The following MOB1B variants were observed in gnomAD, a reference collection of about 807,000 sequenced individuals.
MOB1B encodes the protein MOB kinase activator 1B, also known as MOB1 Mps One Binder homolog B.
In MOB1B, 19 loss-of-function variants were observed where a neutral mutation model predicts 24.4. The observed-to-expected ratio is 0.78, with a 90% CI of 0.54 to 1.14. The LOEUF (loss-of-function observed/expected upper bound fraction) is 1.14. Among genes scored for constraint, MOB1B ranks in the 50% most tolerant of loss-of-function variants. The pLI, the probability that MOB1B is intolerant of heterozygous loss-of-function variation, is 0.00. For missense variants in MOB1B, 243 were observed against 259.6 expected (o/e 0.94, Z 0.44); for synonymous variants, 76 against 82.1 (o/e 0.93, Z 0.40).
At position 70,942,847 on chromosome 4, in the gene MOB1B, A is replaced by G. The variant is rs1453666627; in HGVS notation, c.15-16027A>G. 3 of 834,468 alleles carry G rather than the reference A, an allele frequency of 3.6e-6. No individual in the cohort carries two copies. In the Admixed American group the frequency reaches 6.1e-4, roughly 170 times the overall value. 51.7% of individuals were successfully genotyped at this position (834,468 alleles called of 1,614,324 possible). On this transcript the variant is annotated intron_variant, in intron 1 of 5. Coordinates refer to ENST00000309395, the MANE Select transcript of MOB1B (RefSeq NM_173468.4). The stretch of plus-strand genomic sequence containing the variant: ...GAGAGAAGGTTCATATTGTCGGATT[A>G]TGAAAGACTCAAAATAAAGAACTGG...
intron 1 of MOB1B, among the ~76,000 whole-genome samples, chr4:70,930,757 A>G (rs890483150): frequency 6.6e-6 from 1 of 151,946 alleles, no homozygotes; most frequent in Admixed American, 6.6e-5. Flanking sequence ...GGATTTTTGC[A>G]TTTAGTTTTG....
rs140375027 is a variant in MOB1B, at chr4:70,939,400, C to A, written c.15-19474C>A. On this transcript the variant is annotated intron_variant, in intron 1 of 5. Transcript: ENST00000309395. Reference sequence around the variant, plus strand: ...GTCCCTAAGAAAACCCAATCCTAGTCTGGGTGCAGTAGTTCACACCTGTAA... The same window carrying A: ...GTCCCTAAGAAAACCCAATCCTAGTATGGGTGCAGTAGTTCACACCTGTAA... Among the ~76,000 whole-genome samples, 609 of 152,290 alleles carry A rather than the reference C, an allele frequency of 4.0e-3. 3 individuals carry two copies. Among genetic ancestry groups the A allele is most frequent in the African/African-American group, 0.014 (583 of 41,552 alleles).
Position 70,976,412 on chromosome 4 carries a change from A to G in MOB1B, c.409+1126A>G, listed in dbSNP as rs974059913. ...ATCTTACAGATTCAGATATTAAGCT[A>G]TGTGAGAAGAAAACAAGATTTGAGG... On this transcript the variant is annotated intron_variant, in intron 4 of 5. Transcript: ENST00000309395. 11 of 985,252 alleles carry G rather than the reference A, an allele frequency of 1.1e-5. 1 individual carries two copies. The South Asian group carries it at 1.9e-4, about 17-fold the overall frequency. The allele number at this position is 985,252 out of a possible 1,614,324, so 61.0% of individuals were successfully genotyped here.
intron 2 of MOB1B, 68 bp downstream of exon 2, chr4:70,959,108 G>C: frequency 7.6e-7 from 1 of 1,313,016 alleles, no homozygotes; most frequent in South Asian, 1.4e-5. Context: ...GGTGAGTGTT[G>C]GTGCTGTCCA....
intron 5 of MOB1B, among the ~76,000 whole-genome samples, 153 bp downstream of exon 5, chr4:70,979,444 C>G (rs1311597632): frequency 6.6e-6 from 1 of 152,092 alleles, no homozygotes; most frequent in Non-Finnish European, 1.5e-5. Context: ...TAAGGACTGA[C>G]TTTTTGTTTC....
At chr4:70,902,049 C>T (rs543412599), upstream of MOB1B, among the ~76,000 whole-genome samples, 2 of 152,330 alleles carry the variant, frequency 1.3e-5, no homozygotes, top group South Asian at 4.1e-4. Context: ...AAGCCCACTT[C>T]CTCCCTGACC....
intron 1 of MOB1B, among the ~76,000 whole-genome samples, chr4:70,911,481 A>G (rs777204967): frequency 1.3e-5 from 2 of 152,014 alleles, no homozygotes; most frequent in Admixed American, 6.6e-5. Flanking sequence ...GGGGAGTGGA[A>G]GTAAATATGG....
chr4:70,922,780 G>A (rs559967960), intron 1 of MOB1B, among the ~76,000 whole-genome samples: 2 of 152,194 alleles, frequency 1.3e-5, no homozygotes, highest in South Asian at 4.1e-4. Flanking sequence ...TAATTTATGA[G>A]CACTCTTACT....
At chr4:70,933,747 T>C (rs963865013) in intron 1 of MOB1B, among the ~76,000 whole-genome samples, 9 of 152,188 alleles carry the variant, frequency 5.9e-5, no homozygotes, top group Admixed American at 2.0e-4. Flanking sequence ...AGATGGGGTT[T>C]CACCATGTTG....
chr4:70,977,802 C>T (rs189364395), intron 4 of MOB1B, among the ~76,000 whole-genome samples: 185 of 152,190 alleles, frequency 1.2e-3, no homozygotes, highest in Middle Eastern at 6.8e-3. Context: ...GCAATCCTAT[C>T]GCTTCAGCCT....
intron 1 of MOB1B, among the ~76,000 whole-genome samples, chr4:70,918,447 T>C (rs1736282242): frequency 6.6e-6 from 1 of 151,270 alleles, no homozygotes; most frequent in Non-Finnish European, 1.5e-5. Context: ...CCAGTGATGG[T>C]GAGCATTTTT....
At chr4:70,931,620 G>A (rs1023299764) in intron 1 of MOB1B, among the ~76,000 whole-genome samples, 4 of 152,038 alleles carry the variant, frequency 2.6e-5, no homozygotes, top group Admixed American at 6.6e-5. Context: ...TTTGCTTTGG[G>A]TTTTATGATT....
Position 70,921,874 on chromosome 4 carries a change from A to G in MOB1B, c.14+19324A>G, listed in dbSNP as rs72852975. Reference sequence around the variant, plus strand: ...TAGGAGCTTTGAATATGAAAGTGTTAATTAGCCTTATGTCTTCAATTCTCT... The same window carrying G: ...TAGGAGCTTTGAATATGAAAGTGTTGATTAGCCTTATGTCTTCAATTCTCT... On this transcript the variant is annotated intron_variant, in intron 1 of 5. Transcript: ENST00000309395. Among the ~76,000 whole-genome samples, 173 of 152,232 alleles carry G rather than the reference A, an allele frequency of 1.1e-3. 2 individuals are homozygous for G. The highest frequency in any genetic ancestry group is 4.0e-3 in the African/African-American group (167 of 41,546).
At chr4:70,974,769 A>G (rs989303002) in intron 3 of MOB1B, among the ~76,000 whole-genome samples, 2 of 152,204 alleles carry the variant, frequency 1.3e-5, no homozygotes, top group Admixed American at 1.3e-4. Context: ...AAAGAATTGT[A>G]CTGTGTAAGG....
chr4:70,974,000 G>GTAGA (rs921185522), intron 3 of MOB1B, among the ~76,000 whole-genome samples: 1 of 152,176 alleles, frequency 6.6e-6, no homozygotes, highest in Non-Finnish European at 1.5e-5. Flanking sequence ...GGGGACAAGG[G>GTAGA]TAGAATTGAA....
At chr4:70,929,881 CCT>C (rs1338242497) in intron 1 of MOB1B, among the ~76,000 whole-genome samples, 7 of 151,878 alleles carry the variant, frequency 4.6e-5, no homozygotes, top group African/African-American at 1.7e-4. Context: ...GATCCGCCCG[CCT>C]CGGCCTCCCT....
chr4:70,937,248 C>T (rs1426723603), intron 1 of MOB1B, among the ~76,000 whole-genome samples: 2 of 151,438 alleles, frequency 1.3e-5, no homozygotes, highest in African/African-American at 4.8e-5. Context: ...TTTTTGATTT[C>T]TGATCTTTTA....
intron 1 of MOB1B, among the ~76,000 whole-genome samples, chr4:70,919,001 C>T (rs1736311282): frequency 6.6e-6 from 1 of 152,094 alleles, no homozygotes; most frequent in Admixed American, 6.5e-5. Flanking sequence ...AGTTCATGTC[C>T]TTTGTAGGGA....
At chr4:70,965,305 A>G (rs1738472399) in intron 2 of MOB1B, among the ~76,000 whole-genome samples, 2 of 150,350 alleles carry the variant, frequency 1.3e-5, no homozygotes, top group African/African-American at 4.9e-5. Context: ...TCAAAAAAAA[A>G]AAAAAAAAAA....
Sources: allele counts gnomAD v4.1 joint callset (sites outside exome capture counted in the v4.1 genomes callset), GRCh38; gene constraint gnomAD v4.1.1; transcripts MANE v1.5; gene names NCBI Gene and HGNC (gene_info 2026-07-23, HGNC 2026-07-21).